The following NOS3 variants were observed in gnomAD, a reference collection of about 807,000 sequenced individuals.
NOS3 encodes the protein nitric oxide synthase 3, also known as NOS type III.
Under a neutral mutation model 144.9 loss-of-function variants are expected in NOS3, and 98 were observed. The ratio of observed to expected loss-of-function variants is 0.68; its 90% CI spans 0.57 to 0.80. The LOEUF (loss-of-function observed/expected upper bound fraction) is 0.80, where lower values mean the gene tolerates loss of function less well. NOS3 is among the 30% of genes least tolerant of loss of function. NOS3 has a pLI of 0.00. For missense variants in NOS3, 1,465 were observed against 1,656.4 expected, an observed-to-expected ratio of 0.88 and a Z score of 2.01; for synonymous variants, 714 against 702.4, an observed-to-expected ratio of 1.02 and a Z score of -0.26.
Position 151,000,540 on chromosome 7 carries a change from TCC to T in NOS3, c.1176_1177del (p.Leu393ValfsTer41), listed in dbSNP as rs781429532. The T allele has an allele frequency of 1.2e-6, 2 of 1,613,588 alleles. No individual in the cohort carries two copies. Among genetic ancestry groups the T allele is most frequent in the East Asian group, 2.2e-5 (1 of 44,892 alleles). The stretch of plus-strand genomic sequence containing the variant: ...GGACCTGGATACCCGGACCACCTCG[TCC>T]CTGTGGAAAGACAAGGCAGCAGTGG... ...CMDLDTRTTSSLWKDKAAVEI... is the reference protein window; with the variant it reads ...CMDLDTRTTSXLWKDKAAVEI... On this transcript the variant is annotated frameshift_variant, in exon 10 of 27. Coordinates refer to ENST00000297494, the MANE Select transcript of NOS3 (RefSeq NM_000603.5). LOFTEE classifies it high-confidence loss of function.
In NOS3 at chr7:150,993,186, T is replaced by C. The variant is rs1308692277; in HGVS notation, c.-51-567T>C. On this transcript the variant is annotated intron_variant, in intron 1 of 26. Transcript: ENST00000297494. This position sits in a 1 kb window ranked among gnomAD's most constrained non-coding sequence, Gnocchi z 4.0. ...GGGAAGGGATACCCTAATGTCAGAC[T>C]CAAGGACAAAAAGTCACTACATCCT... Among the ~76,000 whole-genome samples, 15 of 152,112 alleles carry C rather than the reference T, an allele frequency of 9.9e-5. No homozygotes were observed. The highest frequency in any genetic ancestry group is 9.8e-4 in the Admixed American group (15 of 15,278).
intron 10 of NOS3, among the ~76,000 whole-genome samples, chr7:151,000,955 C>T (rs1176561749): frequency 1.3e-5 from 2 of 152,104 alleles, no homozygotes; most frequent in African/African-American, 2.4e-5. Flanking sequence ...TTGAGGAAGC[C>T]GGGGCCTGCT....
rs1795214897 is a variant in NOS3, at chr7:151,006,955, G to A, written c.1887G>A (p.Lys629=). 2 of 1,614,066 alleles carry A rather than the reference G, an allele frequency of 1.2e-6. No homozygotes were observed. Among genetic ancestry groups the A allele is most frequent in the Non-Finnish European group, 1.7e-6 (2 of 1,180,042 alleles). Residue 629 remains lysine, a synonymous_variant, in exon 16 of 27, where the codon AAG becomes AAA. Coordinates refer to ENST00000297494, the MANE Select transcript of NOS3 (RefSeq NM_000603.5). ...SDPLVSSWRR[K]RKESSNTDSA... ...CACTGGTGTCCTCTTGGCGGCGGAA[G>A]AGGAAGGAGTCCAGTAACACAGACA...
At chr7:151,010,442 A>C in intron 21 of NOS3, 155 bp downstream of exon 21, 3 of 1,054,538 alleles carry the variant, frequency 2.8e-6, no homozygotes, top group African/African-American at 1.6e-5. Context: ...TCAGGGAGGA[A>C]TTCATGGCTG....
Position 151,009,565 on chromosome 7 carries a change from A to G in NOS3, c.2492A>G (p.Gln831Arg). ...CCCACTGAGCCCGTGGCAGTAGAGC[A>G]GCTGGAGAAGGGCAGCCCTGGTGAG... ...PAPTEPVAVE[Q>R]LEKGSPGGPP... is the part of the protein sequence containing the mutation. Residue 831 changes from glutamine to arginine, a missense_variant, in exon 20 of 27, where the codon CAG (glutamine) becomes CGG (arginine). By Grantham distance (43) the Gln-to-Arg change is conservative. Coordinates refer to ENST00000297494, the MANE Select transcript of NOS3 (RefSeq NM_000603.5). 1 of 1,539,482 alleles carries G rather than the reference A, an allele frequency of 6.5e-7. No homozygotes were observed. The highest frequency in any genetic ancestry group is 8.8e-7 in the Non-Finnish European group (1 of 1,142,696).
Position 151,003,964 on chromosome 7 carries a change from T to G in NOS3, c.1752+1660T>G. 3.0e-6 allele frequency: 1 copy of G among 330,448 alleles called. No individual in the cohort carries two copies. Among genetic ancestry groups the G allele is most frequent in the South Asian group, 2.4e-5 (1 of 42,244 alleles). The allele number at this position is 330,448 out of a possible 1,614,324, so 20.5% of individuals were successfully genotyped here. A position where few individuals can be genotyped will look rare whatever the true frequency, so the allele number is the denominator to read the frequency against. On this transcript the variant is annotated intron_variant, in intron 14 of 26. Transcript: ENST00000297494. The surrounding 1 kb of genome is among the most constrained non-coding windows in gnomAD (Gnocchi z 4.1). ...GGCTTTTGTGGGCTTATGTTTTTAT[T>G]TCTCTTGGGTAAATACCTAGGAGTA...
At chr7:151,006,322 A>T in intron 14 of NOS3, 105 bp from the exon 15 acceptor site, 1 of 833,350 alleles carries the variant, frequency 1.2e-6, no homozygotes, top group Non-Finnish European at 2.0e-6. Flanking sequence ...AATAAAAATT[A>T]AGTTACAAAT....
At chr7:151,008,692 C>T (rs1479766030) in intron 17 of NOS3, among the ~76,000 whole-genome samples, 4 of 152,194 alleles carry the variant, frequency 2.6e-5, no homozygotes, top group African/African-American at 9.7e-5. Context: ...GATTAACACG[C>T]ACCAGATAAG....
At chr7:151,013,043 T>C in intron 24 of NOS3, 188 bp from the exon 25 acceptor site, 1 of 630,984 alleles carries the variant, frequency 1.6e-6, no homozygotes, top group East Asian at 3.0e-5. Context: ...CCCTTCCCTC[T>C]GTAAATCAGG....
At chr7:150,992,462 C>CT (rs934903541) in intron 1 of NOS3, among the ~76,000 whole-genome samples, 1 of 152,176 alleles carries the variant, frequency 6.6e-6, no homozygotes, top group African/African-American at 2.4e-5. Context: ...GCCCTTCCAT[C>CT]TCCCTCCTCC....
rs1466867370 is a variant in NOS3, at chr7:151,009,534, C to T, written c.2461C>T (p.Pro821Ser). The T allele has an allele frequency of 1.9e-6, 3 of 1,545,154 alleles. No individual in the cohort carries two copies. Among genetic ancestry groups the T allele is most frequent in the Non-Finnish European group, 2.6e-6 (3 of 1,145,822 alleles). Residue 821 changes from proline (P) to serine (S), a missense_variant, in exon 20 of 27, where the codon CCG becomes TCG. Physicochemically the swap from Pro to Ser is moderately conservative, Grantham distance 74 (BLOSUM62 -1). Around this residue, in one of 5 missense-constraint regions of NOS3, gnomAD observed 745 missense variants for 853.9 expected, o/e 0.87. Transcript: ENST00000297494. Reference sequence around the variant, plus strand: ...GCTGCTGAGCCGCGTGGAGGACCCGCCGGCGCCCACTGAGCCCGTGGCAGT... The same window carrying T: ...GCTGCTGAGCCGCGTGGAGGACCCGTCGGCGCCCACTGAGCCCGTGGCAGT... ...EALLSRVEDPPAPTEPVAVEQ... is the reference protein window; with the variant it reads ...EALLSRVEDPSAPTEPVAVEQ...
chr7:151,001,327 G>T lies in NOS3; in HGVS notation c.1330G>T (p.Asp444Tyr). 6.2e-7 allele frequency: 1 copy of T among 1,613,720 alleles called. No homozygotes were observed. The highest frequency in any genetic ancestry group is 8.5e-7 in the Non-Finnish European group (1 of 1,179,922). ...EQKARGGCPA[D>Y]WAWIVPPISG... ...GAAGGCCAGGGGGGGCTGCCCTGCA[G>T]ACTGGGCCTGGATCGTGCCCCCCAT... is the stretch of plus-strand genomic sequence containing the variant. Residue 444 changes from aspartate (D) to tyrosine (Y), a missense_variant, in exon 11 of 27, where the codon GAC becomes TAC. By Grantham distance (160) the Asp-to-Tyr change is radical. Around this residue, in one of 5 missense-constraint regions of NOS3, gnomAD observed 745 missense variants for 853.9 expected, o/e 0.87. Coordinates refer to ENST00000297494, the MANE Select transcript of NOS3 (RefSeq NM_000603.5).
chr7:150,992,772 G>C (rs538141490), intron 1 of NOS3, among the ~76,000 whole-genome samples: 77 of 152,272 alleles, frequency 5.1e-4, no homozygotes, highest in South Asian at 6.2e-4. Flanking sequence ...CTTTCTCTCA[G>C]TCTCTGAGGT....
Position 151,002,679 on chromosome 7 carries a change from C to T in NOS3, c.1752+375C>T, listed in dbSNP as rs1175055321. Among the ~76,000 whole-genome samples, 3 of 152,172 alleles carry T rather than the reference C, an allele frequency of 2.0e-5. No homozygotes were observed. The highest frequency in any genetic ancestry group is 1.5e-5 in the Non-Finnish European group (1 of 68,030). Reference sequence around the variant, plus strand: ...GGCACTGACAAGAAAAACAGGGATACGTCACTGAGGGCGGCTTCTAGGATG... The same window carrying T: ...GGCACTGACAAGAAAAACAGGGATATGTCACTGAGGGCGGCTTCTAGGATG... On this transcript the variant is annotated intron_variant, in intron 14 of 26. Transcript: ENST00000297494. This position sits in a 1 kb window ranked among gnomAD's most constrained non-coding sequence, Gnocchi z 4.1.
In NOS3 at chr7:151,013,865, A is replaced by G. The variant is rs1388242789; in HGVS notation, c.3397A>G (p.Thr1133Ala). The stretch of plus-strand genomic sequence containing the variant: ...GCAGACCGTGCAGCGCATCCTGGCG[A>G]CGGAGGGCGACATGGAGCTGGACGA... Reference protein sequence around the residue: ...VLQTVQRILATEGDMELDEAG... With the variant: ...VLQTVQRILAAEGDMELDEAG... Residue 1133 changes from threonine (T) to alanine (A), a missense_variant, in exon 26 of 27, where the codon ACG becomes GCG. Thr to Ala is a moderately conservative substitution (Grantham distance 58). Around this residue, in one of 5 missense-constraint regions of NOS3, gnomAD observed 228 missense variants for 227.7 expected, o/e 1.00. Coordinates refer to ENST00000297494, the MANE Select transcript of NOS3 (RefSeq NM_000603.5). 2.5e-6 allele frequency: 4 copies of G among 1,603,280 alleles called. No homozygotes were observed. The African/African-American group carries it at 5.3e-5, about 21-fold the overall frequency.
chr7:151,001,735 A>T (rs1795103172), intron 12 of NOS3, 86 bp from the exon 13 acceptor site: 2 of 1,587,658 alleles, frequency 1.3e-6, no homozygotes, highest in Non-Finnish European at 1.7e-6. Flanking sequence ...GTATCCCAAA[A>T]CCCTGTTGTG....
chr7:151,001,639 C>T (rs1584904985), intron 12 of NOS3, 22 bp downstream of exon 12: 1 of 1,607,542 alleles, frequency 6.2e-7, no homozygotes, highest in Admixed American at 1.7e-5. Context: ...GGGAGCCCCG[C>T]TCTCCCACAC....
In NOS3 at chr7:151,008,966, A is replaced by G. The variant is rs758641083; in HGVS notation, c.2149A>G (p.Lys717Glu). 6.2e-7 allele frequency: 1 copy of G among 1,610,766 alleles called. No individual in the cohort carries two copies. Among genetic ancestry groups the G allele is most frequent in the Non-Finnish European group, 8.5e-7 (1 of 1,179,186 alleles). The change falls in exon 18 of 27, where the codon AAG (lysine) becomes GAG (glutamate). Residue 717 changes from lysine to glutamate, a missense_variant. By Grantham distance (56) the Lys-to-Glu change is moderately conservative. This residue lies in a region of NOS3 where 745 missense variants were observed against 853.9 expected (regional missense o/e 0.87). Transcript: ENST00000297494. ...CETFCVGEDA[K>E]AAARDIFSPK... Reference sequence around the variant, plus strand: ...GACCTTCTGTGTGGGAGAGGATGCCAAGGCCGCCGCCCGAGACATCTTCAG... The same window carrying G: ...GACCTTCTGTGTGGGAGAGGATGCCGAGGCCGCCGCCCGAGACATCTTCAG...
At chr7:151,013,694 A>AC in intron 25 of NOS3, 30 bp from the exon 26 acceptor site, 5 of 928,952 alleles carry the variant, frequency 5.4e-6, no homozygotes, top group Non-Finnish European at 8.2e-6. Flanking sequence ...CACCCCCACC[A>AC]GGGCCCGCCC....
Sources: gnomAD v4.1 joint callset for allele counts (sites outside exome capture counted in the v4.1 genomes callset) on GRCh38, gnomAD v4.1.1 for gene constraint, gnomAD v4.1.1 regional missense constraint, Gnocchi (gnomAD v3.1) non-coding constraint, MANE v1.5 for transcripts, NCBI Gene and HGNC (gene_info 2026-07-23, HGNC 2026-07-21) for gene names.